The following PHACTR2 variants were observed in gnomAD, a reference collection of about 807,000 sequenced individuals.
PHACTR2 encodes the protein phosphatase and actin regulator 2.
A neutral mutation model predicts 76.0 loss-of-function variants in PHACTR2; 30 were observed. That is an observed-to-expected ratio of 0.39 (90% CI 0.30 to 0.54). PHACTR2 has a LOEUF of 0.54. Ranked by LOEUF, PHACTR2 falls within the 20% of genes least tolerant of loss-of-function variation. PHACTR2 has a pLI of 0.61. For missense variants in PHACTR2, 696 were observed against 781.1 expected, an observed-to-expected ratio of 0.89 and a Z score of 1.30; for synonymous variants, 292 against 292.5, an observed-to-expected ratio of 1.00 and a Z score of 0.02.
rs1307791496 is a variant in PHACTR2, at chr6:143,641,255, T to C, written c.13+32933T>C. 3.9e-5 allele frequency among the ~76,000 whole-genome samples: 6 copies of C among 152,150 alleles called. No homozygotes were observed. Among genetic ancestry groups the C allele is most frequent in the African/African-American group, 1.2e-4 (5 of 41,438 alleles). On this transcript the variant is annotated intron_variant, in intron 1 of 11. Coordinates refer to the PHACTR2 transcript ENST00000305766. The surrounding 1 kb of genome is among the most constrained non-coding windows in gnomAD (Gnocchi z 5.8). ...CCTCTTAATACTGTGATAATGGCAATGAAGTTTCAACATGAAGTTTTTAGA... is the reference window on the plus strand; with the variant it reads ...CCTCTTAATACTGTGATAATGGCAACGAAGTTTCAACATGAAGTTTTTAGA...
In PHACTR2 at chr6:143,548,739, C is replaced by A. The variant is rs993048350; in HGVS notation, c.217+11532C>A. ...GGGGAGGTAAGAAATTGCAGGGCTT[C>A]TGGGAAGCCTACGTGTCACAGAGAA... On this transcript the variant is annotated intron_variant, in intron 1 of 11. Coordinates refer to the PHACTR2 transcript ENST00000367584. The surrounding 1 kb of genome is among the most constrained non-coding windows in gnomAD (Gnocchi z 4.5). Among the ~76,000 whole-genome samples, 83 of 152,088 alleles carry A rather than the reference C, an allele frequency of 5.5e-4. No individual in the cohort carries two copies. Among genetic ancestry groups the A allele is most frequent in the African/African-American group, 1.9e-3 (79 of 41,506 alleles).
chr6:143,755,439 A>G lies in PHACTR2; in HGVS notation c.454+1527A>G. The G allele has an allele frequency of 2.3e-6, 1 of 436,176 alleles. No individual in the cohort carries two copies. Among genetic ancestry groups the G allele is most frequent in the Admixed American group, 2.6e-5 (1 of 39,190 alleles). 27.0% of individuals were successfully genotyped at this position (436,176 alleles called of 1,614,324 possible). ...GGGTATTCGTCACTGGACTGGCCAGACATCAAAGGAAGTGTTTCCCTTATC... is the reference window on the plus strand; with the variant it reads ...GGGTATTCGTCACTGGACTGGCCAGGCATCAAAGGAAGTGTTTCCCTTATC... On this transcript the variant is annotated intron_variant, in intron 4 of 12. Transcript: ENST00000440869. The surrounding 1 kb of genome is among the most constrained non-coding windows in gnomAD (Gnocchi z 5.2).
intron 11 of PHACTR2, among the ~76,000 whole-genome samples, chr6:143,796,716 C>T (rs540715901): frequency 1.8e-4 from 28 of 152,206 alleles, no homozygotes; most frequent in African/African-American, 5.8e-4. Context: ...CAGCTTCATC[C>T]GTGTCCCTGC....
rs1330327061 is a variant in PHACTR2 at position 143,547,962 on chromosome 6, TTCA to T, written c.217+10769_217+10771del. 1.3e-5 allele frequency among the ~76,000 whole-genome samples: 2 copies of T among 152,288 alleles called. No homozygotes were observed. The highest frequency in any genetic ancestry group is 2.1e-4 in the South Asian group (1 of 4,826). Reference sequence around the variant, plus strand: ...TCCATCATCTATTAATCTATCTATCTTCATCATCATCATCATGTGTATCATCTA... The same window carrying T: ...TCCATCATCTATTAATCTATCTATCTTCATCATCATCATGTGTATCATCTA... On this transcript the variant is annotated intron_variant, in intron 1 of 11. Coordinates refer to the PHACTR2 transcript ENST00000367584. This position sits in a 1 kb window ranked among gnomAD's most constrained non-coding sequence, Gnocchi z 4.2.
At chr6:143,769,886 T>A (rs1009856696) in intron 6 of PHACTR2, among the ~76,000 whole-genome samples, 1 of 152,190 alleles carries the variant, frequency 6.6e-6, no homozygotes, top group Non-Finnish European at 1.5e-5. Context: ...AAATTTTTCC[T>A]ATAAAAATAG....
At position 143,689,780 on chromosome 6, in the gene PHACTR2, G is replaced by A. The variant is rs1777600293; in HGVS notation, c.46+11571G>A. Reference sequence around the variant, plus strand: ...TGATTTCAGCTCACTGCAACCTCCGGCTCCTGGGTTCAAGTGATTCTCCTG... The same window carrying A: ...TGATTTCAGCTCACTGCAACCTCCGACTCCTGGGTTCAAGTGATTCTCCTG... On this transcript the variant is annotated intron_variant, in intron 1 of 12. Coordinates refer to ENST00000440869, the MANE Select transcript of PHACTR2 (RefSeq NM_001100164.2). This position sits in a 1 kb window ranked among gnomAD's most constrained non-coding sequence, Gnocchi z 4.4. Among the ~76,000 whole-genome samples the A allele has an allele frequency of 6.6e-6, 1 of 150,912 alleles. No individual in the cohort carries two copies. Among genetic ancestry groups the A allele is most frequent in the African/African-American group, 2.4e-5 (1 of 40,858 alleles).
intron 1 of PHACTR2, among the ~76,000 whole-genome samples, chr6:143,590,374 T>G (rs1270498751): frequency 1.3e-5 from 2 of 152,086 alleles, no homozygotes; most frequent in African/African-American, 4.8e-5. Flanking sequence ...CAGAGGAGAA[T>G]GCCAGTCTGT....
intron 1 of PHACTR2, among the ~76,000 whole-genome samples, chr6:143,612,939 A>G (rs1776001605): frequency 6.6e-6 from 1 of 152,258 alleles, no homozygotes; most frequent in Non-Finnish European, 1.5e-5. Flanking sequence ...GTTTCACAAA[A>G]TAAATATTCT....
rs191662552 is a variant in PHACTR2, at chr6:143,809,891, C to A, written c.1922+2758C>A. 1.8e-4 allele frequency among the ~76,000 whole-genome samples: 28 copies of A among 152,188 alleles called. No homozygotes were observed. Among genetic ancestry groups the A allele is most frequent in the African/African-American group, 6.3e-4 (26 of 41,508 alleles). On this transcript the variant is annotated intron_variant, in intron 12 of 12. Transcript: ENST00000440869. This position sits in a 1 kb window ranked among gnomAD's most constrained non-coding sequence, Gnocchi z 4.2. ...CTTGGGGAGGCCGAGGTGGGCAGAT[C>A]TTTTGAGCTCAGGAGTTCGAGACCA... is the stretch of plus-strand genomic sequence containing the variant.
At chr6:143,638,551 A>G (rs925121266) in intron 1 of PHACTR2, among the ~76,000 whole-genome samples, 20 of 138,264 alleles carry the variant, frequency 1.4e-4, no homozygotes, top group Non-Finnish European at 6.3e-5. Flanking sequence ...CTCAAAAAAA[A>G]AAAAAAGTAT....
rs917328075 is a variant in PHACTR2, at chr6:143,764,733, T to C, written c.695-528T>C. 2.0e-5 allele frequency among the ~76,000 whole-genome samples: 3 copies of C among 152,180 alleles called. No homozygotes were observed. Among genetic ancestry groups the C allele is most frequent in the Non-Finnish European group, 4.4e-5 (3 of 68,030 alleles). On this transcript the variant is annotated intron_variant, in intron 5 of 12. Transcript: ENST00000440869. The surrounding 1 kb of genome is among the most constrained non-coding windows in gnomAD (Gnocchi z 4.7). ...GAAAGCTGGTGTGGATTTTCTCTTTTAGCAGTAAGATGAGTGATTTTGTTT... is the reference window on the plus strand; with the variant it reads ...GAAAGCTGGTGTGGATTTTCTCTTTCAGCAGTAAGATGAGTGATTTTGTTT...
chr6:143,817,274 C>A (rs1268500929), intron 12 of PHACTR2, among the ~76,000 whole-genome samples: 1 of 152,114 alleles, frequency 6.6e-6, no homozygotes, highest in Non-Finnish European at 1.5e-5. Context: ...TACGCAAAGC[C>A]CAGCAGATTT....
At chr6:143,715,856 A>G (rs733399) in intron 2 of PHACTR2, among the ~76,000 whole-genome samples, 29,243 of 152,164 alleles carry the variant, frequency 0.19, 3,494 homozygotes, top group Middle Eastern at 0.28. Flanking sequence ...AGTTCCTAAA[A>G]CGTTTGATTT....
rs77482314 is a variant in PHACTR2, at chr6:143,672,519, C to T, written c.14-39497C>T. On this transcript the variant is annotated intron_variant, in intron 1 of 11. Coordinates refer to the PHACTR2 transcript ENST00000305766. The surrounding 1 kb of genome is among the most constrained non-coding windows in gnomAD (Gnocchi z 5.8). Reference sequence around the variant, plus strand: ...AATAAACAAACAAATACAGTTAATTCTGACCACCTACTATTAGAATTTAAT... The same window carrying T: ...AATAAACAAACAAATACAGTTAATTTTGACCACCTACTATTAGAATTTAAT... Among the ~76,000 whole-genome samples the T allele has an allele frequency of 6.8e-3, 1,039 of 152,222 alleles. 14 individuals are homozygous for T. The highest frequency in any genetic ancestry group is 0.022 in the African/African-American group (928 of 41,548).
chr6:143,608,734 A>G lies in PHACTR2; in HGVS notation c.13+412A>G, dbSNP rs1775929886. Among the ~76,000 whole-genome samples the G allele has an allele frequency of 6.6e-6, 1 of 152,240 alleles. No individual in the cohort carries two copies. The highest frequency in any genetic ancestry group is 1.5e-5 in the Non-Finnish European group (1 of 68,038). ...AATATTACAATATGCACAGTGTAAC[A>G]GCATAAGAGCTCTTTGGTCTGATGC... On this transcript the variant is annotated intron_variant, in intron 1 of 11. Coordinates refer to the PHACTR2 transcript ENST00000305766. This position sits in a 1 kb window ranked among gnomAD's most constrained non-coding sequence, Gnocchi z 4.6.
At chr6:143,575,807 T>G (rs113996953) in intron 1 of PHACTR2, among the ~76,000 whole-genome samples, 1,631 of 152,346 alleles carry the variant, frequency 0.011, 36 homozygotes, top group African/African-American at 0.035. Context: ...CAGTCCCTAT[T>G]GGGGTAAATT....
At chr6:143,737,250 T>G (rs1249991285) in intron 2 of PHACTR2, among the ~76,000 whole-genome samples, 3 of 151,278 alleles carry the variant, frequency 2.0e-5, no homozygotes, top group Non-Finnish European at 4.4e-5. Context: ...ATTATATATA[T>G]GTCTATGTAG....
chr6:143,740,298 CT>C (rs1019559700), intron 2 of PHACTR2, among the ~76,000 whole-genome samples: 3 of 151,968 alleles, frequency 2.0e-5, no homozygotes, highest in African/African-American at 7.2e-5. Context: ...TTATTGCAAC[CT>C]GTTTTGTCAT....
chr6:143,728,210 TTC>T (rs1232509225), intron 2 of PHACTR2, among the ~76,000 whole-genome samples: 1 of 128,152 alleles, frequency 7.8e-6, no homozygotes, highest in Non-Finnish European at 1.6e-5. Flanking sequence ...CTTTTTTTTT[TTC>T]TTTCTTTTTT....
Sources: gnomAD v4.1 joint callset for allele counts (sites outside exome capture counted in the v4.1 genomes callset) on GRCh38, gnomAD v4.1.1 for gene constraint, Gnocchi (gnomAD v3.1) non-coding constraint, MANE v1.5 for transcripts, NCBI Gene and HGNC (gene_info 2026-07-23, HGNC 2026-07-21) for gene names.